Variants in KCNN4 observed in about 807,000 individuals in gnomAD.
KCNN4 encodes the protein intermediate conductance calcium-activated potassium channel protein 4.
KCNN4 carries 31 observed loss-of-function variants against 45.2 expected under a neutral mutation model. The ratio of observed to expected loss-of-function variants is 0.69; its 90% CI spans 0.52 to 0.92. The LOEUF is 0.92. Ranked by LOEUF, KCNN4 falls within the 40% of genes least tolerant of loss-of-function variation. KCNN4 has a pLI of 0.00. For missense variants in KCNN4, 463 were observed against 574.0 expected (o/e 0.81, Z 1.98); for synonymous variants, 231 against 254.6 (o/e 0.91, Z 0.88).
chr19:43,779,988 C>A (rs998813001), intron 1 of KCNN4, among the ~76,000 whole-genome samples: 4 of 152,092 alleles, frequency 2.6e-5, no homozygotes, highest in Admixed American at 2.0e-4. Flanking sequence ...ATCCCCACCC[C>A]CAAGGCAGTT....
At chr19:43,778,357 A>G (rs1969870226) in intron 1 of KCNN4, among the ~76,000 whole-genome samples, 1 of 151,990 alleles carries the variant, frequency 6.6e-6, no homozygotes, top group Non-Finnish European at 1.5e-5. Flanking sequence ...CTCCTGCCTC[A>G]GCCTCCTGAG....
At chr19:43,777,336 TGTGG>T (rs1444822578) in intron 1 of KCNN4, among the ~76,000 whole-genome samples, 7 of 150,818 alleles carry the variant, frequency 4.6e-5, no homozygotes, top group Non-Finnish European at 8.9e-5. Flanking sequence ...GGTGTGTGTG[TGTGG>T]TGTCTAGAAA....
rs1969662364 is a variant in KCNN4, at chr19:43,772,210, ACCCTCCCATCCCCTTCCCTCTGGTT to A, written c.684-100_684-76del. 2 of 1,503,398 alleles carry A rather than the reference ACCCTCCCATCCCCTTCCCTCTGGTT, an allele frequency of 1.3e-6. No homozygotes were observed. Among genetic ancestry groups the A allele is most frequent in the East Asian group, 2.4e-5 (1 of 40,992 alleles). 93.1% of individuals were successfully genotyped at this position (1,503,398 alleles called of 1,614,324 possible). On this transcript the variant is annotated intron_variant, in intron 3 of 8. Coordinates refer to ENST00000648319, the MANE Select transcript of KCNN4 (RefSeq NM_002250.3). This position sits in a 1 kb window ranked among gnomAD's most constrained non-coding sequence, Gnocchi z 4.4. ...TGATATTCACTCCCCTTCCCTCTAT[ACCCTCCCATCCCCTTCCCTCTGGTT>A]CCCTCCCTTCCCCTCCCAGTATACA... is the stretch of plus-strand genomic sequence containing the variant.
At chr19:43,773,886 G>C (rs775133500) in intron 3 of KCNN4, among the ~76,000 whole-genome samples, 2 of 152,220 alleles carry the variant, frequency 1.3e-5, no homozygotes, top group Non-Finnish European at 2.9e-5. Flanking sequence ...AGACCGAACA[G>C]ATGGCCTGTA....
chr19:43,773,525 CAGT>C (rs1274183182), intron 3 of KCNN4, among the ~76,000 whole-genome samples: 1 of 152,170 alleles, frequency 6.6e-6, no homozygotes, highest in Admixed American at 6.5e-5. Flanking sequence ...CTCCAGGATT[CAGT>C]AGGTCTGGAA....
In KCNN4 at chr19:43,774,166, C is replaced by A. The variant is rs755878232; in HGVS notation, c.683+26G>T. 1.9e-6 allele frequency: 3 copies of A among 1,589,540 alleles called. No individual in the cohort carries two copies. Among genetic ancestry groups the A allele is most frequent in the Non-Finnish European group, 2.6e-6 (3 of 1,165,202 alleles). The stretch of plus-strand genomic sequence containing the variant: ...CGTGGCTGTCCGGGGTTCCCCCCTG[C>A]GCATTTATGCCTCCATCACCCTCAC... On this transcript the variant is annotated intron_variant, in intron 3 of 8. Transcript: ENST00000648319. The surrounding 1 kb of genome is among the most constrained non-coding windows in gnomAD (Gnocchi z 5.6).
chr19:43,770,295 AC>A (rs1969608704), intron 4 of KCNN4, among the ~76,000 whole-genome samples: 1 of 151,804 alleles, frequency 6.6e-6, no homozygotes, highest in Non-Finnish European at 1.5e-5. Flanking sequence ...CCAGGCTTCC[AC>A]TGGCCTGAAC....
intron 1 of KCNN4, 23 bp from the exon 2 acceptor site, chr19:43,776,659 C>T (rs374310513): frequency 1.6e-5 from 25 of 1,521,002 alleles, no homozygotes; most frequent in African/African-American, 1.5e-4. Context: ...ACGGAAAAAG[C>T]GGTGTGAGAT....
At position 43,775,645 on chromosome 19, in the gene KCNN4, T is replaced by G. The variant is rs370800696; in HGVS notation, c.255+896A>C. ...CATGGCCAATAATCCCCATTTTACA[T>G]GCAAAGTTATGATAGGAGAGGGGGA... On this transcript the variant is annotated intron_variant, in intron 2 of 8. Coordinates refer to ENST00000648319, the MANE Select transcript of KCNN4 (RefSeq NM_002250.3). Among the ~76,000 whole-genome samples the G allele has an allele frequency of 6.1e-4, 93 of 152,074 alleles. 2 individuals carry two copies. The East Asian group carries it at 0.012, about 19-fold the overall frequency.
Position 43,767,627 on chromosome 19 carries a change from C to T in KCNN4, c.1200G>A (p.Ala400=), listed in dbSNP as rs201791412. Residue 400 remains alanine (A), a synonymous_variant, in exon 8 of 9, where the codon GCG becomes GCA. Transcript: ENST00000648319. ...RALEKQIDTL[A]GKLDALTELL... is the part of the protein sequence containing the mutation. ...GCTCAGTCAGGGCATCCAGCTTCCCCGCCAGCGTGTCAATCTGTTTCTCCA... is the reference window on the plus strand; with the variant it reads ...GCTCAGTCAGGGCATCCAGCTTCCCTGCCAGCGTGTCAATCTGTTTCTCCA... 3.0e-5 allele frequency: 49 copies of T among 1,614,028 alleles called. No individual in the cohort carries two copies. Among genetic ancestry groups the T allele is most frequent in the South Asian group, 8.8e-5 (8 of 91,084 alleles).
At position 43,780,962 on chromosome 19, in the gene KCNN4, T is replaced by A; in HGVS notation, c.-101A>T. 9 of 1,188,690 alleles carry A rather than the reference T, an allele frequency of 7.6e-6. No homozygotes were observed. Among genetic ancestry groups the A allele is most frequent in the Non-Finnish European group, 1.1e-5 (9 of 827,656 alleles). 73.6% of individuals were successfully genotyped at this position (1,188,690 alleles called of 1,614,324 possible). On this transcript the variant is annotated 5_prime_UTR_variant, in exon 1 of 9. Transcript: ENST00000648319. Reference sequence around the variant, plus strand: ...TGTGGCTTGCAGGTCGTCAGCCTGCTCTGCTGGCTCTGGGACTTTTGCTCT... The same window carrying A: ...TGTGGCTTGCAGGTCGTCAGCCTGCACTGCTGGCTCTGGGACTTTTGCTCT...
rs1428775776 is a variant in KCNN4, at chr19:43,766,873, TGACCATGTTCCCACCTGGG to T, written c.*201_*219del. On this transcript the variant is annotated 3_prime_UTR_variant, in exon 9 of 9. Coordinates refer to ENST00000648319, the MANE Select transcript of KCNN4 (RefSeq NM_002250.3). ...TTGATGAGGGTATGCAGAGTGGGGG[TGACCATGTTCCCACCTGGG>T]GCCTCAGGTGGGCCAAGGCCTACCC... 3 of 152,916 alleles carry T rather than the reference TGACCATGTTCCCACCTGGG, an allele frequency of 2.0e-5. No homozygotes were observed. Among genetic ancestry groups the T allele is most frequent in the Non-Finnish European group, 2.9e-5 (2 of 68,356 alleles). The allele number at this position is 152,916 out of a possible 1,614,324, so 9.5% of individuals were successfully genotyped here.
chr19:43,780,953 TC>T lies in KCNN4; in HGVS notation c.-93del, dbSNP rs1205713672. On this transcript the variant is annotated 5_prime_UTR_variant, in exon 1 of 9. Transcript: ENST00000648319. ...GGCAGCCACTGTGGCTTGCAGGTCG[TC>T]AGCCTGCTCTGCTGGCTCTGGGACT... The T allele has an allele frequency of 2.4e-5, 31 of 1,294,370 alleles. No individual in the cohort carries two copies. Among genetic ancestry groups the T allele is most frequent in the Non-Finnish European group, 3.2e-5 (29 of 914,436 alleles). The allele number at this position is 1,294,370 out of a possible 1,614,324, so 80.2% of individuals were successfully genotyped here. A position where few individuals can be genotyped will look rare whatever the true frequency, so the allele number is the denominator to read the frequency against.
At chr19:43,775,541 T>G (rs1368977454) in intron 2 of KCNN4, among the ~76,000 whole-genome samples, 3 of 152,210 alleles carry the variant, frequency 2.0e-5, no homozygotes, top group Non-Finnish European at 4.4e-5. Context: ...GCTACTTAGC[T>G]ACTCTATGAT....
At chr19:43,773,584 G>T (rs888037511) in intron 3 of KCNN4, among the ~76,000 whole-genome samples, 1 of 152,184 alleles carries the variant, frequency 6.6e-6, no homozygotes, top group Non-Finnish European at 1.5e-5. Flanking sequence ...GATGCTGCTG[G>T]TCTTGAAATC....
At chr19:43,770,002 C>G (rs545795607) in intron 4 of KCNN4, among the ~76,000 whole-genome samples, 173 bp from the exon 5 acceptor site, 9 of 152,078 alleles carry the variant, frequency 5.9e-5, no homozygotes, top group African/African-American at 2.2e-4. Context: ...AATCATAAAT[C>G]GCATACGTCC....
intron 1 of KCNN4, chr19:43,776,931 T>G: frequency 3.5e-6 from 1 of 282,536 alleles, no homozygotes; most frequent in Middle Eastern, 1.1e-3. Context: ...ACCCAGTCTC[T>G]ACTAAAAAAA....
Position 43,774,711 on chromosome 19 carries a change from G to C in KCNN4, c.256-92C>G. The C allele has an allele frequency of 8.8e-7, 1 of 1,134,940 alleles. No homozygotes were observed. The highest frequency in any genetic ancestry group is 1.2e-6 in the Non-Finnish European group (1 of 843,100). The allele number at this position is 1,134,940 out of a possible 1,614,324, so 70.3% of individuals were successfully genotyped here. ...CGCCTGCCTGCGCCCTGAGATAAGTGGGGTGTGCCGCCTGGCCAGGAGGGA... is the reference window on the plus strand; with the variant it reads ...CGCCTGCCTGCGCCCTGAGATAAGTCGGGTGTGCCGCCTGGCCAGGAGGGA... On this transcript the variant is annotated intron_variant, in intron 2 of 8. Transcript: ENST00000648319. The surrounding 1 kb of genome is among the most constrained non-coding windows in gnomAD (Gnocchi z 5.6).
rs545257834 is a variant in KCNN4, at chr19:43,767,218, G to A, written c.*4-129C>T. ...CAGGGGGCAGGTGTTTCCGGGCCCC[G>A]AGGCCAGGGGGCAGGAGGGCATTTA... On this transcript the variant is annotated intron_variant, in intron 8 of 8. Transcript: ENST00000648319. 4.3e-5 allele frequency: 12 copies of A among 276,986 alleles called. No homozygotes were observed. The East Asian group carries it at 4.9e-4, about 11-fold the overall frequency. 17.2% of individuals were successfully genotyped at this position (276,986 alleles called of 1,614,324 possible).
Sources: allele counts gnomAD v4.1 joint callset (sites outside exome capture counted in the v4.1 genomes callset), GRCh38; gene constraint gnomAD v4.1.1; non-coding constraint Gnocchi (gnomAD v3.1); transcripts MANE v1.5; gene names NCBI Gene and HGNC (gene_info 2026-07-23, HGNC 2026-07-21).